FGF14: variants seen among roughly 807,000 people sequenced by gnomAD.
FGF14 encodes the protein fibroblast growth factor homologous factor 4.
A neutral mutation model predicts 25.5 loss-of-function variants in FGF14; 5 were observed. The observed-to-expected ratio is 0.20, with a 90% CI of 0.10 to 0.41. FGF14 has a LOEUF of 0.41. Ranked by LOEUF, FGF14 falls within the 10% of genes least tolerant of loss-of-function variation. The probability of loss-of-function intolerance (pLI) is 1.00; values close to 1 mark genes in which losing one functional copy is unlikely to be tolerated. For missense variants in FGF14, 222 were observed against 320.1 expected, an observed-to-expected ratio of 0.69 and a Z score of 2.34; for synonymous variants, 138 against 118.3, an observed-to-expected ratio of 1.17 and a Z score of -1.08.
At chr13:101,806,265 C>A (rs911016457) in intron 3 of FGF14, among the ~76,000 whole-genome samples, 1 of 151,534 alleles carries the variant, frequency 6.6e-6, no homozygotes, top group African/African-American at 2.4e-5. Context: ...ACTAAAAATA[C>A]AAAATTAACA....
intron 1 of FGF14, among the ~76,000 whole-genome samples, chr13:102,092,693 A>G (rs752873958): frequency 6.6e-6 from 1 of 152,250 alleles, no homozygotes; most frequent in Non-Finnish European, 1.5e-5. Context: ...GGTAATAACA[A>G]TAGTAATATT....
chr13:102,161,650 AAG>A (rs1299603586), intron 1 of FGF14, among the ~76,000 whole-genome samples: 7 of 42,844 alleles, frequency 1.6e-4, no homozygotes, highest in African/African-American at 2.5e-4. Flanking sequence ...GAAGAAGAAG[AAG>A]AAGAAGAAGA....
At chr13:101,832,371 C>T (rs1229308599) in intron 3 of FGF14, among the ~76,000 whole-genome samples, 1 of 152,004 alleles carries the variant, frequency 6.6e-6, no homozygotes, top group African/African-American at 2.4e-5. Context: ...CTGTTTTAAG[C>T]CATGAATTTT....
intron 1 of FGF14, among the ~76,000 whole-genome samples, chr13:102,120,081 G>A (rs2045648364): frequency 6.6e-6 from 1 of 152,114 alleles, no homozygotes; most frequent in Non-Finnish European, 1.5e-5. Flanking sequence ...TGAGCCCCTT[G>A]AGTCAAGACT....
chr13:102,200,932 C>T (rs555619879), intron 1 of FGF14, among the ~76,000 whole-genome samples: 1 of 151,808 alleles, frequency 6.6e-6, no homozygotes, highest in South Asian at 2.1e-4. Context: ...GAAACCCCGT[C>T]TCTACTAAAA....
At chr13:101,854,404 G>C (rs936872051) in intron 3 of FGF14, among the ~76,000 whole-genome samples, 4 of 152,178 alleles carry the variant, frequency 2.6e-5, no homozygotes, top group African/African-American at 9.6e-5. Context: ...CTGTCAGAGA[G>C]AGGAGAATAC....
chr13:102,259,779 A>C (rs2052627602), intron 1 of FGF14, among the ~76,000 whole-genome samples: 1 of 152,198 alleles, frequency 6.6e-6, no homozygotes, highest in Non-Finnish European at 1.5e-5. Flanking sequence ...ATACTAGCCC[A>C]AGATGCCACA....
At chr13:101,924,816 A>G (rs941247872) in intron 1 of FGF14, among the ~76,000 whole-genome samples, 3 of 152,218 alleles carry the variant, frequency 2.0e-5, no homozygotes, top group African/African-American at 7.2e-5. Flanking sequence ...TGCCTTTTCT[A>G]TCACACTATC....
At chr13:102,308,259 T>C (rs2055512593) in intron 1 of FGF14, among the ~76,000 whole-genome samples, 1 of 152,170 alleles carries the variant, frequency 6.6e-6, no homozygotes, top group African/African-American at 2.4e-5. Context: ...CTGAGGATAT[T>C]TGTGTTTAAC....
chr13:101,956,125 C>A (rs1286294476), intron 1 of FGF14, among the ~76,000 whole-genome samples: 1 of 152,166 alleles, frequency 6.6e-6, no homozygotes, highest in African/African-American at 2.4e-5. Context: ...TCTGAGGAAG[C>A]AAGTCAATTC....
chr13:102,400,437 G>A lies in FGF14; in HGVS notation c.208+1034C>T, dbSNP rs898566765. Among the ~76,000 whole-genome samples, 1 of 152,160 alleles carries A rather than the reference G, an allele frequency of 6.6e-6. No homozygotes were observed. Among genetic ancestry groups the A allele is most frequent in the Admixed American group, 6.5e-5 (1 of 15,284 alleles). On this transcript the variant is annotated intron_variant, in intron 1 of 4. Coordinates refer to the FGF14 transcript ENST00000376131. The surrounding 1 kb of genome is among the most constrained non-coding windows in gnomAD (Gnocchi z 4.3). ...CACACACTCCCGGCTGCCAGCGTGA[G>A]CGGTTCCGGGAAAGGCTGCGCCCAG...
chr13:102,078,419 CA>C (rs2043462823), intron 1 of FGF14, among the ~76,000 whole-genome samples: 1 of 151,452 alleles, frequency 6.6e-6, no homozygotes, highest in African/African-American at 2.4e-5. Flanking sequence ...CAACTAAAAA[CA>C]AGTCAAACAA....
At chr13:102,056,811 ATATT>A (rs2042451139) in intron 1 of FGF14, among the ~76,000 whole-genome samples, 1 of 149,248 alleles carries the variant, frequency 6.7e-6, no homozygotes, top group African/African-American at 2.4e-5. Flanking sequence ...AAATGAATAT[ATATT>A]TATATAAAAT....
At chr13:102,288,355 A>G (rs1358010080) in intron 1 of FGF14, among the ~76,000 whole-genome samples, 3 of 152,186 alleles carry the variant, frequency 2.0e-5, no homozygotes, top group African/African-American at 4.8e-5. Context: ...TAAGTGCAGC[A>G]TAAGAGATTT....
intron 1 of FGF14, among the ~76,000 whole-genome samples, chr13:102,329,344 C>A (rs1315369060): frequency 3.3e-5 from 5 of 152,134 alleles, no homozygotes; most frequent in Admixed American, 2.0e-4. Context: ...ATGACCCCAA[C>A]AGTAGTGTCA....
intron 1 of FGF14, among the ~76,000 whole-genome samples, chr13:102,248,962 C>T (rs2052022359): frequency 1.3e-5 from 2 of 152,072 alleles, no homozygotes; most frequent in African/African-American, 4.8e-5. Flanking sequence ...AAGAGAATAA[C>T]AGTGCCATTG....
chr13:101,731,078 C>G (rs2139715704), intron 3 of FGF14, among the ~76,000 whole-genome samples: 1 of 152,190 alleles, frequency 6.6e-6, no homozygotes, highest in East Asian at 1.9e-4. Flanking sequence ...CACAGGGAAG[C>G]CTGTGAGCCT....
chr13:102,160,560 A>G (rs945955474), intron 1 of FGF14, among the ~76,000 whole-genome samples: 1 of 152,052 alleles, frequency 6.6e-6, no homozygotes, highest in Non-Finnish European at 1.5e-5. Flanking sequence ...AAAACAAGAT[A>G]TAATTTCCCC....
intron 3 of FGF14, among the ~76,000 whole-genome samples, chr13:101,798,687 A>G (rs1039494381): frequency 6.6e-6 from 1 of 152,092 alleles, no homozygotes; most frequent in African/African-American, 2.4e-5. Flanking sequence ...GCGAGTTGCC[A>G]TTTTAAGGGC....
Sources: allele counts gnomAD v4.1 joint callset (sites outside exome capture counted in the v4.1 genomes callset), GRCh38; gene constraint gnomAD v4.1.1; non-coding constraint Gnocchi (gnomAD v3.1); transcripts MANE v1.5; gene names NCBI Gene and HGNC (gene_info 2026-07-23, HGNC 2026-07-21).